Variants in PTK2B observed in about 807,000 individuals in gnomAD.
PTK2B encodes protein-tyrosine kinase 2-beta.
In PTK2B, 71 loss-of-function variants were observed where a neutral mutation model predicts 142.9. The observed-to-expected ratio is 0.50, with a 90% CI of 0.41 to 0.61. The LOEUF (loss-of-function observed/expected upper bound fraction) is 0.61. Among genes scored for constraint, PTK2B ranks in the 20% least tolerant of loss-of-function variants. The probability of loss-of-function intolerance (pLI) is 0.00; values close to 1 mark genes in which losing one functional copy is unlikely to be tolerated. For missense variants in PTK2B, 1,105 were observed against 1,320.4 expected (o/e 0.84, Z 2.53); for synonymous variants, 519 against 503.4 (o/e 1.03, Z -0.42).
At chr8:27,310,650 G>C, upstream of PTK2B, 1 of 890,110 alleles carries the variant, frequency 1.1e-6, no homozygotes. Flanking sequence ...CCAGCCCTGA[G>C]AACCTGGGTC....
In PTK2B at chr8:27,430,436, C is replaced by CG; in HGVS notation, c.669+19dup. On this transcript the variant is annotated intron_variant, in intron 7 of 30. Coordinates refer to ENST00000346049, the MANE Select transcript of PTK2B (RefSeq NM_173176.3). ...ACTTAAAGGTGAGGAAACCAATGGG[C>CG]GAGGACCTCTTCGTGCTGATTCCCG... is the stretch of plus-strand genomic sequence containing the variant. 1.2e-6 allele frequency: 2 copies of CG among 1,613,744 alleles called. No individual in the cohort carries two copies. Among genetic ancestry groups the CG allele is most frequent in the Non-Finnish European group, 1.7e-6 (2 of 1,179,694 alleles).
At chr8:27,378,613 G>C (rs1241557822) in intron 1 of PTK2B, among the ~76,000 whole-genome samples, 1 of 54,262 alleles carries the variant, frequency 1.8e-5, no homozygotes, top group Non-Finnish European at 3.9e-5. Context: ...GTGTGTGTGT[G>C]TGTGTGTGTG....
At chr8:27,359,787 A>G (rs1333884336) in intron 1 of PTK2B, among the ~76,000 whole-genome samples, 1 of 152,060 alleles carries the variant, frequency 6.6e-6, no homozygotes, top group African/African-American at 2.4e-5. Flanking sequence ...ACAGAGGTCA[A>G]GCTTCTTCAT....
chr8:27,377,321 G>A (rs545891196), intron 1 of PTK2B, among the ~76,000 whole-genome samples: 7 of 152,304 alleles, frequency 4.6e-5, no homozygotes, highest in Non-Finnish European at 1.0e-4. Context: ...CCACGTACAT[G>A]ATGGATATTA....
chr8:27,380,141 G>A lies in PTK2B; in HGVS notation c.-37-17407G>A, dbSNP rs114123152. ...CATAAGCTCCTATTCTCAGGGACTT[G>A]CTACTCACATCATGATCCACAGGAG... On this transcript the variant is annotated intron_variant, in intron 1 of 30. Transcript: ENST00000346049. Among the ~76,000 whole-genome samples the A allele has an allele frequency of 1.5e-3, 221 of 152,152 alleles. 1 individual carries two copies. The highest frequency in any genetic ancestry group is 4.8e-3 in the African/African-American group (201 of 41,510).
rs1450752347 is a variant in PTK2B, at chr8:27,458,246, G to A, written c.2815-48G>A. 5 of 1,569,818 alleles carry A rather than the reference G, an allele frequency of 3.2e-6. No homozygotes were observed. In the Admixed American group the frequency reaches 8.6e-5, roughly 27 times the overall value. ...CCTCTGTGGCTTCCCTATCCTCCAA[G>A]CACAGACTTTGTGGCCTCTCAACCT... On this transcript the variant is annotated intron_variant, in intron 30 of 30. Transcript: ENST00000346049.
intron 1 of PTK2B, among the ~76,000 whole-genome samples, chr8:27,380,117 A>G (rs1806923751): frequency 6.6e-6 from 1 of 152,072 alleles, no homozygotes. Flanking sequence ...CTTTCTGTCC[A>G]TAAGCTCCTA....
At chr8:27,431,558 GTTC>G in intron 9 of PTK2B, 86 bp downstream of exon 9, 1 of 1,535,004 alleles carries the variant, frequency 6.5e-7, no homozygotes, top group Non-Finnish European at 8.9e-7. Flanking sequence ...TGCCCCTTCA[GTTC>G]TTCTTGCCCC....
chr8:27,347,383 G>A (rs1334314935), intron 1 of PTK2B, among the ~76,000 whole-genome samples: 2 of 152,168 alleles, frequency 1.3e-5, no homozygotes, highest in Non-Finnish European at 2.9e-5. Flanking sequence ...ATGAGCCACT[G>A]TACCTGGCCA....
intron 24 of PTK2B, 49 bp from the exon 25 acceptor site, chr8:27,450,700 G>A (rs1258791713): frequency 3.7e-6 from 6 of 1,608,460 alleles, no homozygotes; most frequent in Admixed American, 1.7e-5. Flanking sequence ...CCCTGAGTCT[G>A]AGAGCAGGGC....
rs1312025065 is a variant in PTK2B, at chr8:27,430,899, C to T, written c.693C>T (p.Ile231=). The change falls in exon 8 of 31, where the codon ATC becomes ATT. Residue 231 remains isoleucine, a synonymous_variant. Transcript: ENST00000346049. The stretch of plus-strand genomic sequence containing the variant: ...AGCCCAAACAGTTCCGGAAGATGAT[C>T]CAGCAGACCTTCCAGCAGTACGCCT... ...NLKPKQFRKM[I]QQTFQQYASL... is the part of the protein sequence containing the mutation. The T allele has an allele frequency of 6.2e-7, 1 of 1,613,968 alleles. No individual in the cohort carries two copies. Among genetic ancestry groups the T allele is most frequent in the Non-Finnish European group, 8.5e-7 (1 of 1,179,984 alleles).
rs879530861 is a variant in PTK2B at position 27,436,150 on chromosome 8, T to C, written c.1244-101T>C. ...TCCCTGGATCTTGGCTGAGGTGTTA[T>C]AGATCTGGTGACGCCTGGCTTTAGA... On this transcript the variant is annotated intron_variant, in intron 14 of 30. Coordinates refer to ENST00000346049, the MANE Select transcript of PTK2B (RefSeq NM_173176.3). 3.2e-5 allele frequency: 36 copies of C among 1,115,638 alleles called. No homozygotes were observed. In the Admixed American group the frequency reaches 3.7e-4, roughly 11 times the overall value. The allele number at this position is 1,115,638 out of a possible 1,614,324, so 69.1% of individuals were successfully genotyped here.
At chr8:27,397,862 TGCAGCCTCGCAGCTCTCC>T in intron 2 of PTK2B, 74 bp downstream of exon 2, 1 of 542,304 alleles carries the variant, frequency 1.8e-6, no homozygotes, top group Non-Finnish European at 2.8e-6. Flanking sequence ...GCAGCTCTCC[TGCAGCCTCGCAGCTCTCC>T]CATATCCACC....
At chr8:27,447,015 T>A (rs1196757274) in intron 24 of PTK2B, among the ~76,000 whole-genome samples, 2 of 152,250 alleles carry the variant, frequency 1.3e-5, no homozygotes, top group Non-Finnish European at 2.9e-5. Context: ...TGTGTTCGGT[T>A]TCTCCACCCT....
chr8:27,395,411 G>T (rs958435974), intron 1 of PTK2B, among the ~76,000 whole-genome samples: 3 of 152,202 alleles, frequency 2.0e-5, no homozygotes, highest in African/African-American at 7.2e-5. Context: ...ATTGTGCTGT[G>T]TGAGTATATT....
intron 2 of PTK2B, among the ~76,000 whole-genome samples, chr8:27,414,884 G>A (rs556711743): frequency 1.0e-3 from 145 of 142,222 alleles, no homozygotes; most frequent in African/African-American, 3.3e-3. Flanking sequence ...CATCTCTCTT[G>A]GCCCAACTCC....
exon 1 of PTK2B, chr8:27,311,521 G>C (rs1447333702): frequency 6.1e-6 from 3 of 491,902 alleles, no homozygotes; most frequent in East Asian, 7.0e-5. Flanking sequence ...GTCCCTGGCC[G>C]GGGTAGCACG....
rs144837322 is a variant in PTK2B, at chr8:27,419,921, C to G, written c.231C>G (p.Ser77Arg). 5 of 1,614,056 alleles carry G rather than the reference C, an allele frequency of 3.1e-6. No homozygotes were observed. Among genetic ancestry groups the G allele is most frequent in the Non-Finnish European group, 4.2e-6 (5 of 1,180,038 alleles). The change falls in exon 3 of 31, where the codon AGC (serine) becomes AGG (arginine). Residue 77 changes from serine (S) to arginine (R), a missense_variant. By Grantham distance (110) the Ser-to-Arg change is moderately radical (BLOSUM62 -1). Coordinates refer to ENST00000346049, the MANE Select transcript of PTK2B (RefSeq NM_173176.3). Reference protein sequence around the residue: ...IREIITSILLSGRIGPNIRLA... With the variant: ...IREIITSILLRGRIGPNIRLA... ...AGATCATCACCTCCATCCTGCTGAG[C>G]GGGCGGATCGGGCCCAACATCCGGT...
chr8:27,411,704 A>G (rs1355315370), intron 2 of PTK2B, among the ~76,000 whole-genome samples: 3 of 152,076 alleles, frequency 2.0e-5, no homozygotes, highest in Non-Finnish European at 2.9e-5. Flanking sequence ...TGTTTCCCCC[A>G]CCTTCTGTGT....
Sources: gnomAD v4.1 joint callset for allele counts (sites outside exome capture counted in the v4.1 genomes callset) on GRCh38, gnomAD v4.1.1 for gene constraint, MANE v1.5 for transcripts, NCBI Gene and HGNC (gene_info 2026-07-23, HGNC 2026-07-21) for gene names.